PDE4D: variants seen among roughly 807,000 people sequenced by gnomAD.
The protein encoded by PDE4D is phosphodiesterase 4D.
A neutral mutation model predicts 87.4 loss-of-function variants in PDE4D; 24 were observed. The observed-to-expected ratio is 0.27, with a 90% CI of 0.20 to 0.39. PDE4D has a LOEUF of 0.39. Among genes scored for constraint, PDE4D ranks in the 10% least tolerant of loss-of-function variants. The pLI, the probability that PDE4D is intolerant of heterozygous loss-of-function variation, is 1.00. For missense variants in PDE4D, 714 were observed against 1,041.0 expected (o/e 0.69, Z 4.32); for synonymous variants, 384 against 383.2 (o/e 1.00, Z -0.02).
At chr5:59,410,122 T>C (rs1002536047) in intron 1 of PDE4D, among the ~76,000 whole-genome samples, 1 of 152,234 alleles carries the variant, frequency 6.6e-6, no homozygotes, top group East Asian at 1.9e-4. Context: ...CAATAAATTA[T>C]TGTTGACTGT....
At chr5:59,421,187 A>G (rs747655944) in intron 1 of PDE4D, among the ~76,000 whole-genome samples, 5 of 152,186 alleles carry the variant, frequency 3.3e-5, no homozygotes, top group Admixed American at 6.5e-5. Context: ...CATCATGAAA[A>G]TTAGGCAAAT....
intron 1 of PDE4D, among the ~76,000 whole-genome samples, chr5:59,507,158 C>T (rs1400020855): frequency 6.6e-6 from 1 of 152,024 alleles, no homozygotes; most frequent in East Asian, 1.9e-4. Flanking sequence ...ATGGCAAAAC[C>T]CCATCTCTAC....
At chr5:59,327,377 T>C (rs1775906129) in intron 1 of PDE4D, among the ~76,000 whole-genome samples, 1 of 152,088 alleles carries the variant, frequency 6.6e-6, no homozygotes, top group East Asian at 1.9e-4. Context: ...CTTCTGAGGC[T>C]TTCCTGGGTC....
chr5:60,457,289 G>C (rs999136349), intron 1 of PDE4D, among the ~76,000 whole-genome samples: 1 of 152,066 alleles, frequency 6.6e-6, no homozygotes, highest in African/African-American at 2.4e-5. Context: ...TTTCCCTCCT[G>C]TTTTCTAATG....
chr5:59,320,852 C>T (rs572599825), intron 1 of PDE4D, among the ~76,000 whole-genome samples: 7 of 152,148 alleles, frequency 4.6e-5, no homozygotes, highest in South Asian at 2.1e-4. Context: ...TATTCACCAA[C>T]GAACCCACCA....
chr5:59,708,819 G>T (rs1311147930), intron 1 of PDE4D, among the ~76,000 whole-genome samples: 1 of 151,744 alleles, frequency 6.6e-6, no homozygotes. Flanking sequence ...TTTAATTAAT[G>T]AACGTTCCAC....
chr5:59,902,848 C>A (rs1229318503), intron 3 of PDE4D, among the ~76,000 whole-genome samples: 1 of 152,136 alleles, frequency 6.6e-6, no homozygotes, highest in Non-Finnish European at 1.5e-5. Context: ...ACTGGGCAGA[C>A]TTTTAAAACT....
In PDE4D at chr5:58,974,504, G is replaced by C; in HGVS notation, c.*160C>G. The C allele has an allele frequency of 1.9e-6, 1 of 531,604 alleles. No homozygotes were observed. The highest frequency in any genetic ancestry group is 3.2e-6 in the Non-Finnish European group (1 of 314,288). 32.9% of individuals were successfully genotyped at this position (531,604 alleles called of 1,614,324 possible). A position where few individuals can be genotyped will look rare whatever the true frequency, so the allele number is the denominator to read the frequency against. ...ACATGGAGGTGAAAAAACTGGTTAC[G>C]ATATTCCTGAGCGCTGGACTGAGTA... On this transcript the variant is annotated 3_prime_UTR_variant, in exon 15 of 15. Transcript: ENST00000340635.
At chr5:59,512,903 C>G (rs1023612413) in intron 1 of PDE4D, among the ~76,000 whole-genome samples, 1 of 151,946 alleles carries the variant, frequency 6.6e-6, no homozygotes, top group Non-Finnish European at 1.5e-5. Flanking sequence ...TAGATGATGT[C>G]TAGTTTAAAA....
At chr5:59,313,965 T>G (rs1773186318) in intron 1 of PDE4D, 1 of 152,200 alleles carries the variant, frequency 6.6e-6, no homozygotes, top group Non-Finnish European at 1.5e-5. Flanking sequence ...CACCTGAGTA[T>G]TCCTGTGAGT....
intron 1 of PDE4D, among the ~76,000 whole-genome samples, chr5:59,658,603 G>T (rs1479489864): frequency 6.6e-6 from 1 of 152,070 alleles, no homozygotes. Flanking sequence ...GGATGGTCTC[G>T]ATCTCCTGAC....
chr5:59,158,945 C>G (rs1340740072), intron 5 of PDE4D, among the ~76,000 whole-genome samples: 2 of 152,170 alleles, frequency 1.3e-5, no homozygotes, highest in Non-Finnish European at 2.9e-5. Flanking sequence ...TGCTGGGATA[C>G]TGGAAGCAAT....
intron 1 of PDE4D, among the ~76,000 whole-genome samples, chr5:59,883,978 A>C (rs1377893397): frequency 6.6e-6 from 1 of 152,152 alleles, no homozygotes; most frequent in Non-Finnish European, 1.5e-5. Context: ...ATATTAAACG[A>C]AATAAGTTGA....
rs1008591133 is a variant in PDE4D, at chr5:59,006,409, T to A, written c.922-12944A>T. Among the ~76,000 whole-genome samples the A allele has an allele frequency of 1.7e-3, 252 of 151,798 alleles. 1 individual carries two copies. The highest frequency in any genetic ancestry group is 6.0e-3 in the South Asian group (29 of 4,804). ...GAGAAACCACCGTCTCTACAAAAAA[T>A]TTAAAAATTAGCCAGGTGTGGTGGC... On this transcript the variant is annotated intron_variant, in intron 6 of 14. Transcript: ENST00000340635.
chr5:59,691,719 T>A (rs199900837), intron 1 of PDE4D, among the ~76,000 whole-genome samples: 7 of 148,096 alleles, frequency 4.7e-5, no homozygotes, highest in Non-Finnish European at 3.0e-5. Flanking sequence ...TAAAGTATAA[T>A]AAAAAAAAAA....
At chr5:59,762,511 T>C (rs374544277) in intron 1 of PDE4D, among the ~76,000 whole-genome samples, 4 of 94,600 alleles carry the variant, frequency 4.2e-5, no homozygotes, top group Non-Finnish European at 6.9e-5. Flanking sequence ...TACACATATG[T>C]GTATATGTGT....
chr5:60,266,709 A>G (rs775188194), intron 1 of PDE4D, among the ~76,000 whole-genome samples: 3 of 152,228 alleles, frequency 2.0e-5, no homozygotes, highest in Non-Finnish European at 4.4e-5. Context: ...CTAGTCAATA[A>G]GTTTCAAGAG....
At chr5:59,658,501 C>A (rs1744736687) in intron 1 of PDE4D, among the ~76,000 whole-genome samples, 1 of 152,104 alleles carries the variant, frequency 6.6e-6, no homozygotes. Context: ...CCTGCCTCAG[C>A]CTCTGGAGTA....
chr5:59,984,887 G>A (rs976620702), intron 3 of PDE4D, among the ~76,000 whole-genome samples: 1 of 152,000 alleles, frequency 6.6e-6, no homozygotes, highest in African/African-American at 2.4e-5. Context: ...TAAATCTGGA[G>A]GGCATGAAAA....
Sources: allele counts gnomAD v4.1 joint callset (sites outside exome capture counted in the v4.1 genomes callset), GRCh38; gene constraint gnomAD v4.1.1; transcripts MANE v1.5; gene names NCBI Gene and HGNC (gene_info 2026-07-23, HGNC 2026-07-21).